The following FRMD4A variants were observed in gnomAD, a reference collection of about 807,000 sequenced individuals.
The protein encoded by FRMD4A is FERM domain containing 4A, also known as FERM domain-containing protein 4A.
A neutral mutation model predicts 129.1 loss-of-function variants in FRMD4A; 29 were observed. That is an observed-to-expected ratio of 0.22 (90% CI 0.17 to 0.31). FRMD4A has a LOEUF of 0.31. Among genes scored for constraint, FRMD4A ranks in the 10% least tolerant of loss-of-function variants. The probability of loss-of-function intolerance (pLI) is 1.00; values close to 1 mark genes in which losing one functional copy is unlikely to be tolerated. For synonymous variants in FRMD4A, 634 were observed against 571.6 expected, an observed-to-expected ratio of 1.11 and a Z score of -1.56; for missense variants, 1,272 against 1,375.8, an observed-to-expected ratio of 0.92 and a Z score of 1.19.
intron 2 of FRMD4A, among the ~76,000 whole-genome samples, chr10:14,131,499 C>T (rs1202158259): frequency 4.0e-5 from 6 of 151,662 alleles, no homozygotes; most frequent in Non-Finnish European, 5.9e-5. Context: ...TGGAGACTGT[C>T]GGGAAAGACA....
At chr10:14,207,304 G>C (rs995804907) in intron 2 of FRMD4A, among the ~76,000 whole-genome samples, 1 of 152,072 alleles carries the variant, frequency 6.6e-6, no homozygotes, top group Non-Finnish European at 1.5e-5. Context: ...CCACGGATGG[G>C]GGTGGGGTGA....
chr10:13,659,657 G>A (rs74123099), intron 20 of FRMD4A, among the ~76,000 whole-genome samples, 167 bp from the exon 21 acceptor site: 5,197 of 152,072 alleles, frequency 0.034, 241 homozygotes, highest in African/African-American at 0.098. Flanking sequence ...CCCAGCAGGG[G>A]GTATGCCCTC....
At chr10:13,804,714 CTTTTT>C (rs35111872) in intron 4 of FRMD4A, among the ~76,000 whole-genome samples, 1 of 127,738 alleles carries the variant, frequency 7.8e-6, no homozygotes, top group South Asian at 2.5e-4. Flanking sequence ...CCAGCTAATT[CTTTTT>C]TTTTTTTTTT....
At chr10:13,952,578 C>A (rs923454731) in intron 2 of FRMD4A, among the ~76,000 whole-genome samples, 1 of 152,170 alleles carries the variant, frequency 6.6e-6, no homozygotes, top group African/African-American at 2.4e-5. Flanking sequence ...ATTCCTACCC[C>A]AAAATAACTG....
At chr10:13,744,542 G>A (rs113961873) in intron 9 of FRMD4A, 2 of 152,336 alleles carry the variant, frequency 1.3e-5, no homozygotes, top group African/African-American at 4.8e-5. Flanking sequence ...CCATTTTGCA[G>A]AGGAGAAATT....
chr10:14,024,748 C>A (rs186576269), intron 2 of FRMD4A, among the ~76,000 whole-genome samples: 1 of 152,306 alleles, frequency 6.6e-6, no homozygotes, highest in East Asian at 1.9e-4. Context: ...GCTGGCCAAG[C>A]GCAGAGAACC....
chr10:13,775,403 C>T (rs532434344), intron 6 of FRMD4A, among the ~76,000 whole-genome samples: 11 of 152,280 alleles, frequency 7.2e-5, no homozygotes, highest in African/African-American at 2.4e-4. Flanking sequence ...TCCAGAGCAA[C>T]GCCTTTGGTA....
At chr10:14,164,164 G>A (rs1340968287) in intron 2 of FRMD4A, among the ~76,000 whole-genome samples, 3 of 152,242 alleles carry the variant, frequency 2.0e-5, no homozygotes, top group Non-Finnish European at 2.9e-5. Flanking sequence ...GCTGGTATAT[G>A]TGGTCTGTTT....
At chr10:13,922,217 T>C (rs1419767183) in intron 2 of FRMD4A, among the ~76,000 whole-genome samples, 2 of 152,160 alleles carry the variant, frequency 1.3e-5, no homozygotes, top group South Asian at 2.1e-4. Context: ...CAGTCTATGG[T>C]ATTTTGTTAT....
At chr10:14,125,595 A>T (rs1413375066) in intron 2 of FRMD4A, among the ~76,000 whole-genome samples, 1 of 152,216 alleles carries the variant, frequency 6.6e-6, no homozygotes, top group African/African-American at 2.4e-5. Flanking sequence ...TTGTTCACCA[A>T]AGTGTGGTTA....
chr10:14,008,558 C>A (rs1194459662), intron 2 of FRMD4A: 2 of 963,292 alleles, frequency 2.1e-6, no homozygotes, highest in Non-Finnish European at 2.5e-6. Context: ...GTTGTCTAAT[C>A]AAAGCTCTAT....
intron 8 of FRMD4A, among the ~76,000 whole-genome samples, chr10:13,748,456 A>G (rs1351454822): frequency 1.3e-5 from 2 of 152,142 alleles, no homozygotes; most frequent in Non-Finnish European, 2.9e-5. Context: ...TTACTGGTTG[A>G]GCCCCACAAA....
intron 5 of FRMD4A, among the ~76,000 whole-genome samples, chr10:13,788,175 A>C (rs922838799): frequency 1.3e-5 from 2 of 151,608 alleles, no homozygotes; most frequent in African/African-American, 4.9e-5. Flanking sequence ...CAATTTCCAG[A>C]CCCCAAGACT....
intron 2 of FRMD4A, among the ~76,000 whole-genome samples, chr10:13,915,112 A>C (rs966464124): frequency 1.3e-5 from 2 of 152,210 alleles, no homozygotes; most frequent in African/African-American, 4.8e-5. Flanking sequence ...CATTATAGGG[A>C]GTACTGTGTT....
chr10:14,310,081 T>G (rs1846491543), intron 2 of FRMD4A, among the ~76,000 whole-genome samples: 1 of 152,184 alleles, frequency 6.6e-6, no homozygotes, highest in Admixed American at 6.5e-5. Context: ...CCAATGCATC[T>G]TCGAGGATCC....
intron 2 of FRMD4A, among the ~76,000 whole-genome samples, chr10:14,224,624 C>T (rs1843374810): frequency 6.6e-6 from 1 of 152,046 alleles, no homozygotes; most frequent in African/African-American, 2.4e-5. Context: ...GGCAAGTCAG[C>T]CTACGTGGAT....
chr10:13,971,136 G>A (rs955764078), intron 2 of FRMD4A, among the ~76,000 whole-genome samples: 14 of 150,882 alleles, frequency 9.3e-5, no homozygotes, highest in African/African-American at 1.7e-4. Context: ...GCACGCACGC[G>A]CTCACACACA....
At chr10:13,929,834 G>A (rs2610793) in intron 2 of FRMD4A, among the ~76,000 whole-genome samples, 151,630 of 152,324 alleles carry the variant, frequency 1, 75,471 homozygotes, top group Middle Eastern at 1. Context: ...GTGCTATGAT[G>A]GAGGCAAATT....
chr10:14,106,099 TATTCACCAATTTTCAAA>T lies in FRMD4A; in HGVS notation c.45+223942_45+223958del, dbSNP rs543945800. Among the ~76,000 whole-genome samples the T allele has an allele frequency of 4.8e-4, 73 of 152,374 alleles. 3 individuals are homozygous for T. In the South Asian group the frequency reaches 0.014, roughly 30 times the overall value. On this transcript the variant is annotated intron_variant, in intron 2 of 24. Transcript: ENST00000357447. ...ATACCCACAACAGGAAACTCCCCTT[TATTCACCAATTTTCAAA>T]ATTCACCAATTTTTACCATGCCTAG... is the stretch of plus-strand genomic sequence containing the variant.
Sources: allele counts gnomAD v4.1 joint callset (sites outside exome capture counted in the v4.1 genomes callset), GRCh38; gene constraint gnomAD v4.1.1; transcripts MANE v1.5; gene names NCBI Gene and HGNC (gene_info 2026-07-23, HGNC 2026-07-21).